ADGRL3: variants seen among roughly 807,000 people sequenced by gnomAD.
The protein encoded by ADGRL3 is calcium-independent alpha-latrotoxin receptor 3.
In ADGRL3, 62 loss-of-function variants were observed where a neutral mutation model predicts 153.5. The observed-to-expected ratio is 0.40, with a 90% CI of 0.33 to 0.50. ADGRL3 has a LOEUF of 0.50. Ranked by LOEUF, ADGRL3 falls within the 20% of genes least tolerant of loss-of-function variation. The pLI is 0.47. For synonymous variants in ADGRL3, 710 were observed against 672.5 expected (o/e 1.06, Z -0.86); for missense variants, 1,641 against 1,859.4 (o/e 0.88, Z 2.16).
intron 11 of ADGRL3, among the ~76,000 whole-genome samples, chr4:61,903,477 A>C (rs752271239): frequency 5.6e-4 from 85 of 152,198 alleles, no homozygotes; most frequent in Non-Finnish European, 8.7e-4. Flanking sequence ...CAAGTGTGCA[A>C]AGAAGCATTG....
At chr4:61,345,698 T>C (rs779725950) in intron 1 of ADGRL3, among the ~76,000 whole-genome samples, 63 of 152,216 alleles carry the variant, frequency 4.1e-4, no homozygotes, top group Non-Finnish European at 7.5e-4. Context: ...TATTACACTT[T>C]TCTGTTTCTT....
At chr4:61,433,039 T>C (rs1383222819) in intron 2 of ADGRL3, among the ~76,000 whole-genome samples, 1 of 152,182 alleles carries the variant, frequency 6.6e-6, no homozygotes, top group African/African-American at 2.4e-5. Flanking sequence ...ATTATTTTTC[T>C]GCATTCCAGT....
At chr4:61,298,389 G>A (rs550446987) in intron 1 of ADGRL3, among the ~76,000 whole-genome samples, 44 of 152,190 alleles carry the variant, frequency 2.9e-4, no homozygotes, top group African/African-American at 7.9e-4. Context: ...CAATTGTGCC[G>A]GTAGAGATAA....
At chr4:61,423,523 T>C (rs2097236228) in intron 2 of ADGRL3, among the ~76,000 whole-genome samples, 1 of 152,152 alleles carries the variant, frequency 6.6e-6, no homozygotes, top group South Asian at 2.1e-4. Context: ...ATCTGAGCCT[T>C]GATGAAGGTA....
intron 1 of ADGRL3, among the ~76,000 whole-genome samples, chr4:61,369,483 A>T (rs1450926053): frequency 6.6e-6 from 1 of 152,232 alleles, no homozygotes; most frequent in Non-Finnish European, 1.5e-5. Flanking sequence ...ATCTATTGAG[A>T]TAATCATGTG....
intron 4 of ADGRL3, among the ~76,000 whole-genome samples, chr4:61,575,072 C>T (rs1478446903): frequency 3.3e-5 from 5 of 151,742 alleles, no homozygotes; most frequent in East Asian, 1.9e-4. Flanking sequence ...ATTCTTACAA[C>T]GTGATGTGGT....
chr4:61,626,675 A>G (rs1579938903), intron 5 of ADGRL3, among the ~76,000 whole-genome samples: 1 of 152,168 alleles, frequency 6.6e-6, no homozygotes, highest in East Asian at 1.9e-4. Context: ...GATGCTGATG[A>G]AAGAACCTAG....
At chr4:61,904,913 G>C (rs2098688194) in intron 11 of ADGRL3, among the ~76,000 whole-genome samples, 1 of 152,018 alleles carries the variant, frequency 6.6e-6, no homozygotes. Context: ...AACCTCAGAG[G>C]TCCATCAAAC....
intron 9 of ADGRL3, among the ~76,000 whole-genome samples, chr4:61,885,775 G>A (rs1238892628): frequency 6.6e-6 from 1 of 152,158 alleles, no homozygotes; most frequent in African/African-American, 2.4e-5. Context: ...TACCAGCTAT[G>A]TAAGCTCGGG....
intron 9 of ADGRL3, among the ~76,000 whole-genome samples, chr4:61,885,202 G>T (rs948282416): frequency 6.6e-5 from 10 of 152,104 alleles, no homozygotes; most frequent in African/African-American, 2.2e-4. Context: ...CTTGGCGCGC[G>T]CCTGTAATCC....
At chr4:61,218,350 A>G (rs1022523557) in intron 1 of ADGRL3, among the ~76,000 whole-genome samples, 2 of 151,914 alleles carry the variant, frequency 1.3e-5, no homozygotes, top group Non-Finnish European at 1.5e-5. Context: ...TTGCTCTGTC[A>G]CCCAGGCTGG....
intron 9 of ADGRL3, among the ~76,000 whole-genome samples, chr4:61,884,986 A>T (rs1275670849): frequency 2.0e-5 from 3 of 151,304 alleles, no homozygotes. Context: ...ATCCATAAGG[A>T]AACAGCCTGG....
At chr4:61,599,777 G>T (rs1354044005) in intron 5 of ADGRL3, among the ~76,000 whole-genome samples, 1 of 152,152 alleles carries the variant, frequency 6.6e-6, no homozygotes, top group Non-Finnish European at 1.5e-5. Context: ...TGAGACAAGA[G>T]AACAGGAGAA....
At chr4:61,697,430 G>A (rs953319545) in intron 6 of ADGRL3, among the ~76,000 whole-genome samples, 1 of 151,800 alleles carries the variant, frequency 6.6e-6, no homozygotes, top group Non-Finnish European at 1.5e-5. Flanking sequence ...AATGGTGGCA[G>A]GTGCCTGTAA....
At chr4:61,378,335 G>A (rs919010967) in intron 1 of ADGRL3, among the ~76,000 whole-genome samples, 5 of 151,858 alleles carry the variant, frequency 3.3e-5, no homozygotes, top group Non-Finnish European at 4.4e-5. Flanking sequence ...TCATTTAGCC[G>A]TTCTCAAAGT....
intron 5 of ADGRL3, among the ~76,000 whole-genome samples, chr4:61,651,344 A>G (rs1213931749): frequency 1.3e-5 from 2 of 152,202 alleles, no homozygotes; most frequent in Admixed American, 1.3e-4. Context: ...ATCATAAAAT[A>G]TCACTAAATA....
chr4:61,875,083 C>A (rs1034531849), intron 9 of ADGRL3, among the ~76,000 whole-genome samples: 8 of 151,728 alleles, frequency 5.3e-5, no homozygotes, highest in Non-Finnish European at 1.0e-4. Flanking sequence ...GCTGGGATTA[C>A]AGGCGTGAGC....
chr4:61,384,072 C>G (rs2096706471), intron 2 of ADGRL3, among the ~76,000 whole-genome samples: 1 of 151,756 alleles, frequency 6.6e-6, no homozygotes, highest in Admixed American at 6.6e-5. Context: ...TAATTGCTAT[C>G]ATCTATTTTC....
At chr4:61,559,134 A>C (rs2098783135) in intron 4 of ADGRL3, among the ~76,000 whole-genome samples, 2 of 152,136 alleles carry the variant, frequency 1.3e-5, no homozygotes, top group South Asian at 4.1e-4. Flanking sequence ...GAAATGAGAC[A>C]GTTTATAGAA....
Sources: allele counts gnomAD v4.1 joint callset (sites outside exome capture counted in the v4.1 genomes callset), GRCh38; gene constraint gnomAD v4.1.1; transcripts MANE v1.5; gene names NCBI Gene and HGNC (gene_info 2026-07-23, HGNC 2026-07-21).